OPCML: variants seen among roughly 807,000 people sequenced by gnomAD.
OPCML encodes the protein opioid-binding protein/cell adhesion molecule.
A neutral mutation model predicts 37.8 loss-of-function variants in OPCML; 13 were observed. That is an observed-to-expected ratio of 0.34 (90% CI 0.22 to 0.55). OPCML has a LOEUF of 0.55. Ranked by LOEUF, OPCML falls within the 20% of genes least tolerant of loss-of-function variation. OPCML has a pLI of 0.91. For missense variants in OPCML, 341 were observed against 435.6 expected (o/e 0.78, Z 1.93); for synonymous variants, 176 against 168.8 (o/e 1.04, Z -0.33).
At chr11:133,186,182 C>T (rs574800190) in intron 1 of OPCML, among the ~76,000 whole-genome samples, 16 of 152,130 alleles carry the variant, frequency 1.1e-4, no homozygotes, top group Non-Finnish European at 1.6e-4. Context: ...TGAGGGAAGG[C>T]GAATCTCTTA....
intron 1 of OPCML, among the ~76,000 whole-genome samples, chr11:133,318,666 C>T (rs1257237531): frequency 6.6e-6 from 1 of 152,182 alleles, no homozygotes; most frequent in Non-Finnish European, 1.5e-5. Context: ...TTGACGATAT[C>T]TGCTAGTTCA....
chr11:132,825,950 A>T (rs1940299998), intron 2 of OPCML, among the ~76,000 whole-genome samples: 1 of 152,132 alleles, frequency 6.6e-6, no homozygotes, highest in Admixed American at 6.5e-5. Context: ...CTCTTTGTCC[A>T]TGTGTGAACC....
At chr11:133,069,696 A>G (rs1404080458) in intron 1 of OPCML, among the ~76,000 whole-genome samples, 1 of 152,256 alleles carries the variant, frequency 6.6e-6, no homozygotes, top group East Asian at 1.9e-4. Flanking sequence ...TTGTCTCAAC[A>G]GCACTCCCGT....
intron 1 of OPCML, among the ~76,000 whole-genome samples, chr11:133,093,568 A>G (rs1412208878): frequency 2.0e-5 from 3 of 152,168 alleles, no homozygotes; most frequent in Non-Finnish European, 4.4e-5. Flanking sequence ...TGAAATTGGT[A>G]TTACTCTCAG....
chr11:132,560,478 C>T (rs188636444), intron 3 of OPCML, among the ~76,000 whole-genome samples: 7 of 152,282 alleles, frequency 4.6e-5, no homozygotes, highest in East Asian at 3.9e-4. Context: ...GCACAGTACC[C>T]AATGTGTAGT....
intron 3 of OPCML, among the ~76,000 whole-genome samples, chr11:132,618,409 A>G (rs1457963134): frequency 3.3e-5 from 5 of 152,148 alleles, no homozygotes; most frequent in Admixed American, 2.6e-4. Context: ...AGGCTCTGGA[A>G]GGAGACTCAC....
chr11:133,228,983 G>A lies in OPCML; in HGVS notation c.62-285973C>T, dbSNP rs141909126. On this transcript the variant is annotated intron_variant, in intron 1 of 7. Transcript: ENST00000524381. ...GTCCCAGTGGCACCGCGTAATTCTC[G>A]GTAAGTTTCTGCACCTTGTGCTCAG... 6.3e-3 allele frequency among the ~76,000 whole-genome samples: 960 copies of A among 152,200 alleles called. 1 individual carries two copies. The highest frequency in any genetic ancestry group is 9.9e-3 in the Non-Finnish European group (673 of 68,006).
At chr11:132,633,896 G>A (rs1382745424) in intron 3 of OPCML, among the ~76,000 whole-genome samples, 2 of 93,584 alleles carry the variant, frequency 2.1e-5, no homozygotes, top group East Asian at 3.1e-4. Flanking sequence ...GTAAGAAATC[G>A]GGGGTGGGAG....
intron 1 of OPCML, among the ~76,000 whole-genome samples, chr11:133,494,331 G>C (rs1214328641): frequency 1.1e-4 from 16 of 151,734 alleles, no homozygotes; most frequent in African/African-American, 3.6e-4. Flanking sequence ...CAGGGATCTA[G>C]AACTAGAAAT....
chr11:133,469,239 T>C (rs920431683), intron 1 of OPCML, among the ~76,000 whole-genome samples: 7 of 152,220 alleles, frequency 4.6e-5, no homozygotes, highest in African/African-American at 1.7e-4. Flanking sequence ...ACATATATGA[T>C]AGTGGTCTCA....
chr11:132,731,144 A>G lies in OPCML; in HGVS notation c.147-73825T>C, dbSNP rs1004118964. On this transcript the variant is annotated intron_variant, in intron 2 of 7. Transcript: ENST00000524381. The stretch of plus-strand genomic sequence containing the variant: ...GGATTTTTGAACTATGGATAGGGTG[A>G]TTAAGAAAGCAAATGTTTAATTTTA... 5.9e-5 allele frequency among the ~76,000 whole-genome samples: 9 copies of G among 152,348 alleles called. No homozygotes were observed. In the South Asian group the frequency reaches 1.2e-3, roughly 21 times the overall value.
chr11:132,781,954 AT>A (rs10717332), intron 2 of OPCML, among the ~76,000 whole-genome samples: 37,300 of 106,210 alleles, frequency 0.35, 4,847 homozygotes, highest in Non-Finnish European at 0.41. Context: ...ATATATATAT[AT>A]TTTTTTTTTT....
intron 1 of OPCML, among the ~76,000 whole-genome samples, chr11:133,045,079 C>T (rs12099132): frequency 0.011 from 1,614 of 152,202 alleles, 23 homozygotes; most frequent in African/African-American, 0.037. Flanking sequence ...GGTTCAAATC[C>T]CCAGTCGAAG....
At chr11:132,706,515 T>C (rs1944040824) in intron 2 of OPCML, among the ~76,000 whole-genome samples, 1 of 152,224 alleles carries the variant, frequency 6.6e-6, no homozygotes, top group Admixed American at 6.5e-5. Flanking sequence ...TGAAATGATG[T>C]TGCCTGAAGA....
chr11:133,327,198 T>C (rs1455438375), intron 1 of OPCML, among the ~76,000 whole-genome samples: 1 of 148,560 alleles, frequency 6.7e-6, no homozygotes, highest in Non-Finnish European at 1.5e-5. Context: ...GGGGTGTGTG[T>C]ATGAGGGGGT....
At chr11:132,853,195 G>C (rs539757193) in intron 2 of OPCML, among the ~76,000 whole-genome samples, 1 of 152,228 alleles carries the variant, frequency 6.6e-6, no homozygotes, top group Admixed American at 6.5e-5. Flanking sequence ...TATAAAATTT[G>C]AGCTTTCATG....
intron 1 of OPCML, among the ~76,000 whole-genome samples, chr11:133,194,711 G>A (rs188771670): frequency 1.1e-4 from 17 of 152,204 alleles, no homozygotes; most frequent in Admixed American, 6.5e-4. Flanking sequence ...TGAAAATTTC[G>A]TATTGCCTAT....
chr11:133,151,235 T>C (rs1430629350), intron 1 of OPCML, among the ~76,000 whole-genome samples: 4 of 151,936 alleles, frequency 2.6e-5, no homozygotes, highest in Non-Finnish European at 5.9e-5. Context: ...ATTATGCCAC[T>C]GCACTCCAGC....
At chr11:133,134,692 A>T (rs984605314) in intron 1 of OPCML, among the ~76,000 whole-genome samples, 1 of 152,084 alleles carries the variant, frequency 6.6e-6, no homozygotes, top group African/African-American at 2.4e-5. Context: ...TCTTGCGTGA[A>T]CCCTGCAAAG....
Sources: gnomAD v4.1 joint callset for allele counts (sites outside exome capture counted in the v4.1 genomes callset) on GRCh38, gnomAD v4.1.1 for gene constraint, MANE v1.5 for transcripts, NCBI Gene and HGNC (gene_info 2026-07-23, HGNC 2026-07-21) for gene names.